The following CCDC187 variants were observed in gnomAD, a reference collection of about 807,000 sequenced individuals.
CCDC187 encodes the protein coiled-coil domain containing 187.
A neutral mutation model predicts 38.0 loss-of-function variants in CCDC187; 32 were observed. The observed-to-expected ratio is 0.84, with a 90% confidence interval of 0.64 to 1.13. The LOEUF (loss-of-function observed/expected upper bound fraction) is 1.13, where lower values mean the gene tolerates loss of function less well. CCDC187 is among the 50% of genes most tolerant of loss of function. The pLI is 0.00. For missense variants in CCDC187, 707 were observed against 786.8 expected, an observed-to-expected ratio of 0.90 and a Z score of 1.21; for synonymous variants, 333 against 347.9, an observed-to-expected ratio of 0.96 and a Z score of 0.48.
chr9:136,254,097 A>G lies in CCDC187; in HGVS notation c.5731T>C (p.Tyr1911His). ...DFGKGGETSG[Y>H]QEGTRDADPS... ...TCAGCATCCCGGGTTCCCTCCTGGT[A>G]GCCAGAAGTCTCTCCTCCTTTGCCG... The change falls in exon 26 of 26, where the codon TAC becomes CAC. Residue 1911 changes from tyrosine (Y) to histidine (H), a missense_variant. Physicochemically the swap from Tyr to His is moderately conservative, Grantham distance 83. Transcript: ENST00000638797. 1.0e-6 allele frequency: 1 copy of G among 985,448 alleles called. No individual in the cohort carries two copies. The highest frequency in any genetic ancestry group is 1.2e-6 in the Non-Finnish European group (1 of 829,976). 61.0% of individuals were successfully genotyped at this position (985,448 alleles called of 1,614,324 possible). A position where few individuals can be genotyped will look rare whatever the true frequency, so the allele number is the denominator to read the frequency against.
At chr9:136,288,841 C>T (rs956899762) in intron 7 of CCDC187, among the ~76,000 whole-genome samples, 323 of 152,306 alleles carry the variant, frequency 2.1e-3, no homozygotes, top group Non-Finnish European at 3.2e-3. Flanking sequence ...TCACGCCGGC[C>T]GGGGGATGGG....
Position 136,293,359 on chromosome 9 carries a change from ATT to A in CCDC187, c.833-1066_833-1065del, listed in dbSNP as rs1452330908. Reference sequence around the variant, plus strand: ...CACTCACACTCACATGCTCACACACATTCACATGCTCACACACTCACACTCAC... The same window carrying A: ...CACTCACACTCACATGCTCACACACACACATGCTCACACACTCACACTCAC... On this transcript the variant is annotated intron_variant, in intron 4 of 25. Coordinates refer to ENST00000638797, the MANE Select transcript of CCDC187 (RefSeq NM_001378188.1). 3.9e-3 allele frequency among the ~76,000 whole-genome samples: 527 copies of A among 134,692 alleles called. 11 individuals are homozygous for A. Among genetic ancestry groups the A allele is most frequent in the African/African-American group, 0.014 (489 of 34,702 alleles). The allele number at this position is 134,692 out of a possible 152,430, so 88.4% of individuals were successfully genotyped here.
chr9:136,299,416 G>A (rs958866032), intron 3 of CCDC187, among the ~76,000 whole-genome samples: 29 of 152,170 alleles, frequency 1.9e-4, no homozygotes, highest in African/African-American at 4.6e-4. Flanking sequence ...CCACAAAAAC[G>A]CACATGATTC....
chr9:136,274,284 C>T (rs1054133652), intron 14 of CCDC187, among the ~76,000 whole-genome samples: 1 of 152,244 alleles, frequency 6.6e-6, no homozygotes, highest in African/African-American at 2.4e-5. Flanking sequence ...CTGCCGCATT[C>T]ACCCTCCCTG....
intron 17 of CCDC187, 81 bp from the exon 18 acceptor site, chr9:136,263,879 G>T (rs548991899): frequency 2.2e-6 from 2 of 929,516 alleles, no homozygotes; most frequent in African/African-American, 1.8e-5. Flanking sequence ...AGGGGTGTCT[G>T]GGGGGATGCC....
chr9:136,293,932 G>A (rs1049764768), intron 4 of CCDC187, among the ~76,000 whole-genome samples: 7 of 139,548 alleles, frequency 5.0e-5, no homozygotes, highest in South Asian at 2.2e-4. Context: ...ACACTCCCTC[G>A]TGCTCTCCCA....
rs1554759371 is a variant in CCDC187 at position 136,251,327 on chromosome 9, A to G, written c.*2267T>C. The G allele has an allele frequency of 6.5e-6, 2 of 306,264 alleles. No individual in the cohort carries two copies. The highest frequency in any genetic ancestry group is 1.3e-5 in the Non-Finnish European group (2 of 153,938). The allele number at this position is 306,264 out of a possible 1,614,324, so 19.0% of individuals were successfully genotyped here. Reference sequence around the variant, plus strand: ...CAGCAAGTCCTGAGCATGCTCCAGAAGAGACCTTGGGCCACTGATCCCCAG... The same window carrying G: ...CAGCAAGTCCTGAGCATGCTCCAGAGGAGACCTTGGGCCACTGATCCCCAG... On this transcript the variant is annotated 3_prime_UTR_variant, in exon 26 of 26. Coordinates refer to ENST00000638797, the MANE Select transcript of CCDC187 (RefSeq NM_001378188.1).
At chr9:136,300,537 C>G (rs1831653250) in intron 2 of CCDC187, among the ~76,000 whole-genome samples, 1 of 152,188 alleles carries the variant, frequency 6.6e-6, no homozygotes, top group Non-Finnish European at 1.5e-5. Context: ...CCTCAGCCTC[C>G]CGAGTAGTTG....
chr9:136,305,470 T>C (rs1831788262), upstream of CCDC187, among the ~76,000 whole-genome samples: 1 of 152,142 alleles, frequency 6.6e-6, no homozygotes, highest in South Asian at 2.1e-4. Flanking sequence ...CCCAGGGCCA[T>C]CCGAGTGGTG....
At chr9:136,305,825 C>T (rs1204271117), upstream of CCDC187, among the ~76,000 whole-genome samples, 2 of 152,246 alleles carry the variant, frequency 1.3e-5, no homozygotes, top group African/African-American at 2.4e-5. Flanking sequence ...CCCCCACCAC[C>T]GGCTTCCTTC....
chr9:136,301,234 G>T (rs1363049116), intron 2 of CCDC187, among the ~76,000 whole-genome samples: 1 of 152,174 alleles, frequency 6.6e-6, no homozygotes, highest in Non-Finnish European at 1.5e-5. Flanking sequence ...ATGGGGAATT[G>T]GAATGATTTT....
At chr9:136,255,785 C>G in intron 24 of CCDC187, 52 bp from the exon 25 acceptor site, 2 of 913,540 alleles carry the variant, frequency 2.2e-6, no homozygotes, top group Non-Finnish European at 1.3e-6. Context: ...CTCCTGGCCT[C>G]TTCCCCAGGG....
chr9:136,291,797 C>T (rs1831338988), intron 5 of CCDC187, among the ~76,000 whole-genome samples, 152 bp from the exon 6 acceptor site: 1 of 152,156 alleles, frequency 6.6e-6, no homozygotes, highest in Admixed American at 6.5e-5. Context: ...GGGCACCACG[C>T]CTGTGTGATG....
chr9:136,255,730 C>A lies in CCDC187; in HGVS notation c.4620G>T (p.Thr1540=). ...TESWRSGEQR[T]EACQQEVPGI... is the part of the protein sequence containing the mutation. ...CGGGGACCTCCTGCTGACAGGCCTC[C>A]GTCCTGCAAGCACATTCGTGGAGAA... The change falls in exon 25 of 26, where the codon ACG becomes ACT. Residue 1540 remains threonine (T), a synonymous_variant. Transcript: ENST00000638797. 1 of 985,444 alleles carries A rather than the reference C, an allele frequency of 1.0e-6. No homozygotes were observed. Among genetic ancestry groups the A allele is most frequent in the Non-Finnish European group, 1.2e-6 (1 of 829,910 alleles). The allele number at this position is 985,444 out of a possible 1,614,324, so 61.0% of individuals were successfully genotyped here.
chr9:136,276,838 T>C (rs1397141483), intron 10 of CCDC187, 111 bp from the exon 11 acceptor site: 1 of 152,220 alleles, frequency 6.6e-6, no homozygotes, highest in African/African-American at 2.4e-5. Flanking sequence ...CCTCTCCACC[T>C]GCAGGGAAAC....
At chr9:136,263,116 C>T (rs1554761192) in intron 18 of CCDC187, among the ~76,000 whole-genome samples, 1 of 151,746 alleles carries the variant, frequency 6.6e-6, no homozygotes, top group Admixed American at 6.6e-5. Context: ...TCTGGCTCTG[C>T]TCTAGGGCCT....
chr9:136,299,553 A>G (rs1436553923), intron 3 of CCDC187, among the ~76,000 whole-genome samples: 1 of 152,216 alleles, frequency 6.6e-6, no homozygotes, highest in East Asian at 1.9e-4. Context: ...TTGCCCCAGC[A>G]GCAGAGTGAG....
chr9:136,267,563 G>A (rs1280846325), intron 15 of CCDC187, 52 bp from the exon 16 acceptor site: 3 of 985,454 alleles, frequency 3.0e-6, no homozygotes, highest in Non-Finnish European at 3.6e-6. Context: ...CGGTGCTTCC[G>A]GGCCTCGCGG....
intron 7 of CCDC187, among the ~76,000 whole-genome samples, chr9:136,288,512 G>C (rs1371307301): frequency 6.6e-6 from 1 of 152,208 alleles, no homozygotes; most frequent in Non-Finnish European, 1.5e-5. Flanking sequence ...CTGGAACCCA[G>C]GGCATGCAGG....
Sources: allele counts gnomAD v4.1 joint callset (sites outside exome capture counted in the v4.1 genomes callset), GRCh38; gene constraint gnomAD v4.1.1; transcripts MANE v1.5; gene names NCBI Gene and HGNC (gene_info 2026-07-23, HGNC 2026-07-21).